The following EXTL3 variants were observed in gnomAD, a reference collection of about 807,000 sequenced individuals.
EXTL3 encodes exostosin like glycosyltransferase 3.
Under a neutral mutation model 69.3 loss-of-function variants are expected in EXTL3, and 27 were observed. The ratio of observed to expected loss-of-function variants is 0.39; its 90% confidence interval spans 0.29 to 0.54. EXTL3 has a LOEUF of 0.54. EXTL3 is among the 20% of genes least tolerant of loss of function. EXTL3 has a pLI of 0.69. For missense variants in EXTL3, 1,003 were observed against 1,231.8 expected (o/e 0.81, Z 2.78); for synonymous variants, 511 against 499.4 (o/e 1.02, Z -0.31).
intron 1 of EXTL3, among the ~76,000 whole-genome samples, chr8:28,657,114 G>T (rs1448334327): frequency 3.3e-5 from 5 of 151,358 alleles, no homozygotes; most frequent in Non-Finnish European, 7.4e-5. Flanking sequence ...ATTTTTTTTT[G>T]TATTTTTTGG....
In EXTL3 at chr8:28,703,430, C is replaced by A. The variant is rs148095910; in HGVS notation, c.-570+1771C>A. Among the ~76,000 whole-genome samples, 1,048 of 152,074 alleles carry A rather than the reference C, an allele frequency of 6.9e-3. 8 individuals carry two copies. The highest frequency in any genetic ancestry group is 0.024 in the African/African-American group (982 of 41,458). On this transcript the variant is annotated intron_variant, in intron 1 of 6. Transcript: ENST00000220562. ...TTGGAGAGAAGTAAGTCGGGCCAGGCCGAGCATGGGAAATGTATTTCTAGG... is the reference window on the plus strand; with the variant it reads ...TTGGAGAGAAGTAAGTCGGGCCAGGACGAGCATGGGAAATGTATTTCTAGG...
At chr8:28,727,667 T>TCA (rs532379957) in intron 3 of EXTL3, among the ~76,000 whole-genome samples, 1 of 152,212 alleles carries the variant, frequency 6.6e-6, no homozygotes, top group South Asian at 2.1e-4. Flanking sequence ...GTGCTGGCAT[T>TCA]CACACGTCTA....
At chr8:28,653,042 A>G (rs1209477641) in intron 1 of EXTL3, among the ~76,000 whole-genome samples, 3 of 152,164 alleles carry the variant, frequency 2.0e-5, no homozygotes, top group Admixed American at 6.5e-5. Flanking sequence ...CAGAATGCAT[A>G]TTTACGTTAG....
At chr8:28,726,481 A>G (rs961251557) in intron 3 of EXTL3, among the ~76,000 whole-genome samples, 9 of 152,204 alleles carry the variant, frequency 5.9e-5, no homozygotes, top group Admixed American at 4.6e-4. Flanking sequence ...CATCTTAGGT[A>G]ATGAACTATA....
intron 1 of EXTL3, among the ~76,000 whole-genome samples, chr8:28,673,114 T>C (rs1428529415): frequency 6.6e-6 from 1 of 152,222 alleles, no homozygotes; most frequent in Non-Finnish European, 1.5e-5. Flanking sequence ...GGTATGTCTT[T>C]ATCAGCAACC....
At chr8:28,639,829 G>A (rs139598461) in intron 1 of EXTL3, among the ~76,000 whole-genome samples, 15 of 152,296 alleles carry the variant, frequency 9.8e-5, no homozygotes, top group Admixed American at 4.6e-4. Context: ...ACCCATGGGC[G>A]CAGTGGCTCA....
chr8:28,710,142 G>T (rs903281699), intron 1 of EXTL3, among the ~76,000 whole-genome samples: 1 of 152,194 alleles, frequency 6.6e-6, no homozygotes, highest in African/African-American at 2.4e-5. Context: ...ACACTGTCAT[G>T]ATCCTGTTCT....
chr8:28,742,925 G>T, intron 5 of EXTL3, 161 bp from the exon 6 acceptor site: 2 of 755,752 alleles, frequency 2.6e-6, no homozygotes, highest in Admixed American at 3.6e-5. Context: ...AGATCCACAC[G>T]ACAGGATGTC....
chr8:28,735,618 C>T (rs951040368), intron 4 of EXTL3, among the ~76,000 whole-genome samples: 1 of 152,198 alleles, frequency 6.6e-6, no homozygotes, highest in Non-Finnish European at 1.5e-5. Flanking sequence ...TTTGGGCATC[C>T]TTTGATCTAA....
intron 1 of EXTL3, among the ~76,000 whole-genome samples, chr8:28,665,949 G>A (rs1217100906): frequency 2.0e-5 from 3 of 152,232 alleles, no homozygotes; most frequent in Non-Finnish European, 2.9e-5. Flanking sequence ...GCGTCATCCA[G>A]TTAGAAGCTT....
intron 1 of EXTL3, among the ~76,000 whole-genome samples, chr8:28,630,264 C>T (rs1386301333): frequency 1.3e-5 from 2 of 152,148 alleles, no homozygotes; most frequent in African/African-American, 4.8e-5. Context: ...TGCCTGCTGC[C>T]ATGTAAGATG....
chr8:28,619,518 C>T (rs76445689), upstream of EXTL3, among the ~76,000 whole-genome samples: 6,027 of 152,072 alleles, frequency 0.04, 432 homozygotes, highest in Admixed American at 0.18. Flanking sequence ...TGGACTGACC[C>T]ACTGCCCATG....
chr8:28,687,218 C>T (rs1381843545), intron 1 of EXTL3, among the ~76,000 whole-genome samples: 1 of 152,202 alleles, frequency 6.6e-6, no homozygotes. Flanking sequence ...GTAATCCCAG[C>T]ACTTTGGGAG....
At chr8:28,627,160 C>G (rs941661066) in intron 1 of EXTL3, among the ~76,000 whole-genome samples, 1 of 150,674 alleles carries the variant, frequency 6.6e-6, no homozygotes, top group Non-Finnish European at 1.5e-5. Flanking sequence ...TGCACTCCAG[C>G]CTGGGCGACA....
intron 1 of EXTL3, among the ~76,000 whole-genome samples, chr8:28,684,409 A>C (rs1055996446): frequency 8.5e-5 from 13 of 152,178 alleles, no homozygotes; most frequent in African/African-American, 3.1e-4. Flanking sequence ...TTCAGAAGGC[A>C]TTATTTCTAT....
intron 1 of EXTL3, chr8:28,631,767 T>C (rs1806573325): frequency 6.6e-6 from 1 of 152,212 alleles, no homozygotes. Context: ...CACAAAGTAC[T>C]TAATTTTCTG....
Position 28,754,347 on chromosome 8 carries a change from C to G in EXTL3, c.*3481C>G, listed in dbSNP as rs1454797072. Reference sequence around the variant, plus strand: ...GGGAAAGGGGGTAAAGGCGAGGACTCCTCTCCTGGGCTCTGCAGGTGGCAG... The same window carrying G: ...GGGAAAGGGGGTAAAGGCGAGGACTGCTCTCCTGGGCTCTGCAGGTGGCAG... On this transcript the variant is annotated 3_prime_UTR_variant, in exon 7 of 7. Coordinates refer to ENST00000220562, the MANE Select transcript of EXTL3 (RefSeq NM_001440.4). The G allele has an allele frequency of 1.3e-5, 2 of 152,554 alleles. No homozygotes were observed. The highest frequency in any genetic ancestry group is 2.1e-4 in the South Asian group (1 of 4,834). 9.5% of individuals were successfully genotyped at this position (152,554 alleles called of 1,614,324 possible).
At chr8:28,742,967 G>A (rs1274208690) in intron 5 of EXTL3, 119 bp from the exon 6 acceptor site, 1 of 1,072,174 alleles carries the variant, frequency 9.3e-7, no homozygotes, top group East Asian at 2.4e-5. Flanking sequence ...CTAAGTGCCA[G>A]TAATACCTCC....
At chr8:28,662,747 C>CTG (rs10681020) in intron 1 of EXTL3, among the ~76,000 whole-genome samples, 106,425 of 151,828 alleles carry the variant, frequency 0.7, 38,256 homozygotes, top group African/African-American at 0.87. Flanking sequence ...AATCCTGTCT[C>CTG]TAAAAAATAC....
Sources: allele counts gnomAD v4.1 joint callset (sites outside exome capture counted in the v4.1 genomes callset), GRCh38; gene constraint gnomAD v4.1.1; transcripts MANE v1.5; gene names NCBI Gene and HGNC (gene_info 2026-07-23, HGNC 2026-07-21).